SLIT2: variants seen among roughly 807,000 people sequenced by gnomAD.
SLIT2 encodes the protein slit homolog 2 protein.
A neutral mutation model predicts 185.7 loss-of-function variants in SLIT2; 41 were observed. The ratio of observed to expected loss-of-function variants is 0.22; its 90% CI spans 0.17 to 0.29. The LOEUF is 0.29. Among genes scored for constraint, SLIT2 ranks in the 10% least tolerant of loss-of-function variants. The pLI is 1.00. For missense variants in SLIT2, 1,571 were observed against 1,909.0 expected, an observed-to-expected ratio of 0.82 and a Z score of 3.30; for synonymous variants, 693 against 680.2, an observed-to-expected ratio of 1.02 and a Z score of -0.29.
chr4:20,355,358 G>C (rs1008410345), intron 4 of SLIT2, among the ~76,000 whole-genome samples: 1 of 152,046 alleles, frequency 6.6e-6, no homozygotes, highest in Non-Finnish European at 1.5e-5. Flanking sequence ...TGCCTTTGAG[G>C]GTTTTCTGAC....
intron 4 of SLIT2, among the ~76,000 whole-genome samples, chr4:20,446,792 G>A (rs1227005864): frequency 6.6e-6 from 1 of 152,182 alleles, no homozygotes; most frequent in African/African-American, 2.4e-5. Flanking sequence ...TCTATGTACA[G>A]ACGGATAATA....
At chr4:20,296,679 G>A (rs1716516773) in intron 4 of SLIT2, among the ~76,000 whole-genome samples, 1 of 152,148 alleles carries the variant, frequency 6.6e-6, no homozygotes, top group Non-Finnish European at 1.5e-5. Flanking sequence ...TTGACTAAAT[G>A]TGGCACTTTC....
chr4:20,532,472 G>A (rs1213450166), intron 17 of SLIT2, among the ~76,000 whole-genome samples: 12 of 151,854 alleles, frequency 7.9e-5, no homozygotes, highest in African/African-American at 2.9e-4. Flanking sequence ...ATTAATGATT[G>A]GTAAACTGGC....
intron 33 of SLIT2, among the ~76,000 whole-genome samples, chr4:20,606,812 CAA>C (rs2148974686): frequency 6.6e-6 from 1 of 152,276 alleles, no homozygotes; most frequent in South Asian, 2.1e-4. Flanking sequence ...GTAAATGAAT[CAA>C]GTTTTGCTAT....
In SLIT2 at chr4:20,523,902, A is replaced by C. The variant is rs137896935; in HGVS notation, c.1273A>C (p.Met425Leu). ...TTCACCTCTTCGGGCCATTCAAACT[A>C]TGTATGTATAAGTGATTTGGATCAC... ...TFSPLRAIQTMHLAQNPFICD... is the reference protein window; with the variant it reads ...TFSPLRAIQTLHLAQNPFICD... Residue 425 changes from methionine (M) to leucine (L), a missense_variant and splice_region_variant, in exon 13 of 37, where the codon ATG (methionine) becomes CTG (leucine). By Grantham distance (15) the Met-to-Leu change is conservative (BLOSUM62 2). Around this residue, in one of 3 missense-constraint regions of SLIT2, gnomAD observed 1,202 missense variants for 1,416.4 expected, o/e 0.85. Coordinates refer to ENST00000504154, the MANE Select transcript of SLIT2 (RefSeq NM_004787.4). 6.2e-7 allele frequency: 1 copy of C among 1,614,038 alleles called. No individual in the cohort carries two copies. The highest frequency in any genetic ancestry group is 1.7e-5 in the Admixed American group (1 of 60,010).
intron 26 of SLIT2, 144 bp from the exon 27 acceptor site, chr4:20,567,118 C>T (rs1725151253): frequency 1.3e-6 from 1 of 743,728 alleles, no homozygotes; most frequent in Admixed American, 2.6e-5. Flanking sequence ...ATGCTGATTT[C>T]TGGCTTGTCA....
chr4:20,472,370 C>CTATCTATATATA (rs1715319310), intron 5 of SLIT2, among the ~76,000 whole-genome samples: 6 of 22,456 alleles, frequency 2.7e-4, no homozygotes, highest in African/African-American at 1.3e-3. Context: ...ATATAGATAT[C>CTATCTATATATA]TATATCTATA....
intron 4 of SLIT2, among the ~76,000 whole-genome samples, chr4:20,288,528 A>G (rs1488802142): frequency 6.6e-6 from 1 of 152,218 alleles, no homozygotes; most frequent in Non-Finnish European, 1.5e-5. Flanking sequence ...TAATTTTTCT[A>G]GTAAATCAGC....
At chr4:20,614,154 T>TG (rs1197512841) in intron 34 of SLIT2, among the ~76,000 whole-genome samples, 2 of 152,158 alleles carry the variant, frequency 1.3e-5, no homozygotes, top group Non-Finnish European at 2.9e-5. Flanking sequence ...ATTACATGCA[T>TG]GAGCCACTGC....
At chr4:20,483,502 C>T (rs909781060) in intron 6 of SLIT2, among the ~76,000 whole-genome samples, 2 of 151,938 alleles carry the variant, frequency 1.3e-5, no homozygotes, top group African/African-American at 4.8e-5. Context: ...TGGACACTGG[C>T]CTCAGAAATG....
intron 4 of SLIT2, among the ~76,000 whole-genome samples, chr4:20,345,819 C>T (rs1355557313): frequency 6.6e-6 from 1 of 152,058 alleles, no homozygotes; most frequent in Non-Finnish European, 1.5e-5. Context: ...CAGGCGTGAG[C>T]ACCCACGTCT....
chr4:20,415,495 A>G (rs1051170120), intron 4 of SLIT2, among the ~76,000 whole-genome samples: 7 of 152,058 alleles, frequency 4.6e-5, no homozygotes, highest in South Asian at 4.2e-4. Flanking sequence ...TTTAATGTTA[A>G]AATGTGTCGT....
intron 9 of SLIT2, among the ~76,000 whole-genome samples, chr4:20,502,082 G>A (rs1298099340): frequency 1.3e-5 from 2 of 152,102 alleles, no homozygotes; most frequent in African/African-American, 4.8e-5. Context: ...TTGTACATGT[G>A]TTTTTGTTAA....
intron 4 of SLIT2, among the ~76,000 whole-genome samples, chr4:20,435,073 A>C (rs1729257676): frequency 6.6e-6 from 1 of 152,230 alleles, no homozygotes; most frequent in Non-Finnish European, 1.5e-5. Flanking sequence ...CATTTATTAA[A>C]ATAAAAAGTT....
intron 4 of SLIT2, among the ~76,000 whole-genome samples, chr4:20,310,171 T>G (rs1717970780): frequency 6.6e-6 from 1 of 152,174 alleles, no homozygotes; most frequent in Non-Finnish European, 1.5e-5. Flanking sequence ...TCTTTCTTAC[T>G]CTTTTTTAAT....
intron 4 of SLIT2, among the ~76,000 whole-genome samples, chr4:20,399,743 C>T (rs1315146549): frequency 6.6e-6 from 1 of 151,714 alleles, no homozygotes; most frequent in East Asian, 1.9e-4. Context: ...AGTGATATTA[C>T]ACTATGTAAG....
At chr4:20,286,891 T>C (rs1037744034) in intron 4 of SLIT2, among the ~76,000 whole-genome samples, 2 of 152,180 alleles carry the variant, frequency 1.3e-5, no homozygotes, top group Non-Finnish European at 2.9e-5. Context: ...AAAACATTTT[T>C]CCACGCATTA....
intron 7 of SLIT2, among the ~76,000 whole-genome samples, 193 bp downstream of exon 7, chr4:20,486,464 T>C (rs549296572): frequency 6.6e-6 from 1 of 152,232 alleles, no homozygotes; most frequent in South Asian, 2.1e-4. Flanking sequence ...TTCTTTTAAC[T>C]GATATGCATT....
At chr4:20,261,296 T>TA (rs1712445383) in intron 3 of SLIT2, among the ~76,000 whole-genome samples, 1 of 151,890 alleles carries the variant, frequency 6.6e-6, no homozygotes, top group South Asian at 2.1e-4. Flanking sequence ...GAAATTCGGA[T>TA]AAAAAAGTCA....
Sources: gnomAD v4.1 joint callset for allele counts (sites outside exome capture counted in the v4.1 genomes callset) on GRCh38, gnomAD v4.1.1 for gene constraint, gnomAD v4.1.1 regional missense constraint, MANE v1.5 for transcripts, NCBI Gene and HGNC (gene_info 2026-07-23, HGNC 2026-07-21) for gene names.